Variants in DNAH9 observed in about 807,000 individuals in gnomAD.
DNAH9 encodes the protein dynein axonemal heavy chain 9, also known as DNAH9 variant protein.
Under a neutral mutation model 471.6 loss-of-function variants are expected in DNAH9, and 345 were observed. The observed-to-expected ratio is 0.73, with a 90% CI of 0.67 to 0.80. The LOEUF (loss-of-function observed/expected upper bound fraction) is 0.80. Ranked by LOEUF, DNAH9 falls within the 30% of genes least tolerant of loss-of-function variation. DNAH9 has a pLI of 0.00. For synonymous variants in DNAH9, 2,093 were observed against 2,123.6 expected (o/e 0.99, Z 0.40); for missense variants, 5,407 against 5,609.2 (o/e 0.96, Z 1.15).
chr17:11,609,632 G>A (rs1353556715), intron 2 of DNAH9, among the ~76,000 whole-genome samples: 1 of 152,120 alleles, frequency 6.6e-6, no homozygotes, highest in Non-Finnish European at 1.5e-5. Flanking sequence ...TTTCTTTGTC[G>A]TTGTGTCCTT....
At chr17:11,789,260 A>G (rs1216344597) in intron 41 of DNAH9, among the ~76,000 whole-genome samples, 1 of 152,058 alleles carries the variant, frequency 6.6e-6, no homozygotes, top group East Asian at 1.9e-4. Flanking sequence ...TCTCTAAAAG[A>G]TTTAGTAAAA....
At chr17:11,923,054 T>TC in intron 61 of DNAH9, among the ~76,000 whole-genome samples, 1 of 151,420 alleles carries the variant, frequency 6.6e-6, no homozygotes, top group South Asian at 2.1e-4. Flanking sequence ...AGTGCTTCTT[T>TC]TTTTTTTGTT....
At chr17:11,708,459 C>T (rs557406330) in intron 26 of DNAH9, among the ~76,000 whole-genome samples, 10 of 152,238 alleles carry the variant, frequency 6.6e-5, no homozygotes, top group Non-Finnish European at 1.0e-4. Context: ...GCAAATAGCA[C>T]CTCTGCAGAG....
chr17:11,769,045 ATGCTTCGGAACGCCGCTGG>A, intron 37 of DNAH9, 58 bp from the exon 38 acceptor site: 1 of 1,478,872 alleles, frequency 6.8e-7, no homozygotes, highest in Non-Finnish European at 9.4e-7. Flanking sequence ...CTGTTCTGAA[ATGCTTCGGAACGCCGCTGG>A]TGCATCTGTT....
intron 61 of DNAH9, among the ~76,000 whole-genome samples, chr17:11,908,143 G>A (rs1015138400): frequency 7.9e-5 from 12 of 152,162 alleles, no homozygotes; most frequent in Admixed American, 5.2e-4. Context: ...TCCCATCACC[G>A]GCCCTGCCAT....
chr17:11,915,143 C>G (rs940955480), intron 61 of DNAH9, among the ~76,000 whole-genome samples: 5 of 152,216 alleles, frequency 3.3e-5, no homozygotes, highest in Non-Finnish European at 7.3e-5. Flanking sequence ...CTCCACTCTT[C>G]TTCCTCTGCA....
chr17:11,875,138 A>G lies in DNAH9; in HGVS notation c.10432A>G (p.Asn3478Asp), dbSNP rs1972425689. ...GCTACAAGGCATCAAATGGATCAAG[A>G]ATAAATATGGTGAAGATCTCCGGGT... ...PQLQGIKWIK[N>D]KYGEDLRVTQ... Residue 3478 changes from asparagine to aspartate, a missense_variant, in exon 53 of 69, where the codon AAT becomes GAT. Around this residue, in one of 3 missense-constraint regions of DNAH9, gnomAD observed 4,636 missense variants for 4,900.3 expected, o/e 0.95. Transcript: ENST00000262442. 1.2e-6 allele frequency: 2 copies of G among 1,614,146 alleles called. No homozygotes were observed. Among genetic ancestry groups the G allele is most frequent in the Non-Finnish European group, 1.7e-6 (2 of 1,180,024 alleles).
chr17:11,754,050 T>G (rs1317226393), intron 33 of DNAH9, among the ~76,000 whole-genome samples: 1 of 152,066 alleles, frequency 6.6e-6, no homozygotes, highest in Non-Finnish European at 1.5e-5. Context: ...AGCTCCCACT[T>G]ACAAATGAGA....
intron 38 of DNAH9, among the ~76,000 whole-genome samples, chr17:11,773,728 C>T (rs1474413342): frequency 2.0e-5 from 3 of 152,138 alleles, no homozygotes; most frequent in Admixed American, 1.3e-4. Context: ...ATATTTCAAA[C>T]ATGTACAAAA....
At chr17:11,729,996 G>A (rs904497507) in intron 28 of DNAH9, among the ~76,000 whole-genome samples, 14 of 152,220 alleles carry the variant, frequency 9.2e-5, no homozygotes, top group Admixed American at 4.6e-4. Context: ...CTCCAAGGTG[G>A]CCTGTCTTTC....
intron 48 of DNAH9, among the ~76,000 whole-genome samples, chr17:11,826,009 A>G (rs570946996): frequency 6.6e-6 from 1 of 152,342 alleles, no homozygotes; most frequent in East Asian, 1.9e-4. Context: ...TAATGAAGCC[A>G]AGGACTGACA....
At chr17:11,742,107 T>G in intron 29 of DNAH9, 68 bp from the exon 30 acceptor site, 1 of 1,481,996 alleles carries the variant, frequency 6.7e-7, no homozygotes, top group Non-Finnish European at 9.3e-7. Flanking sequence ...AGTGCTTATT[T>G]TCTTGCAGTC....
intron 1 of DNAH9, among the ~76,000 whole-genome samples, chr17:11,605,837 C>T (rs1403166229): frequency 1.3e-5 from 2 of 152,064 alleles, no homozygotes; most frequent in African/African-American, 2.4e-5. Flanking sequence ...AGTTCACATT[C>T]GTTATTTTTC....
At chr17:11,655,777 A>G (rs1031329919) in intron 14 of DNAH9, among the ~76,000 whole-genome samples, 2 of 152,124 alleles carry the variant, frequency 1.3e-5, no homozygotes, top group Middle Eastern at 3.4e-3. Flanking sequence ...AAAACCAAAC[A>G]TTGTATGTTC....
intron 14 of DNAH9, among the ~76,000 whole-genome samples, chr17:11,654,741 T>G (rs981820782): frequency 6.6e-6 from 1 of 152,030 alleles, no homozygotes; most frequent in East Asian, 1.9e-4. Flanking sequence ...GGCACTGTCC[T>G]AAGCATTGTC....
chr17:11,910,174 G>A (rs1344191384), intron 61 of DNAH9, among the ~76,000 whole-genome samples: 3 of 151,962 alleles, frequency 2.0e-5, no homozygotes, highest in African/African-American at 7.3e-5. Context: ...AGAATGGCAT[G>A]AACCCGGGAG....
intron 32 of DNAH9, among the ~76,000 whole-genome samples, chr17:11,749,065 T>A (rs1239920824): frequency 4.4e-5 from 1 of 22,646 alleles, no homozygotes; most frequent in African/African-American, 9.0e-5. Context: ...TTTAAGAGGG[T>A]TTTTTTTTGT....
At chr17:11,716,902 C>A (rs1179731270) in intron 26 of DNAH9, among the ~76,000 whole-genome samples, 1 of 152,200 alleles carries the variant, frequency 6.6e-6, no homozygotes, top group African/African-American at 2.4e-5. Flanking sequence ...AGGCCCTGAG[C>A]AGTTGTAGAG....
intron 1 of DNAH9, 48 bp downstream of exon 1, chr17:11,598,963 G>T (rs2072325091): frequency 1.4e-6 from 2 of 1,396,796 alleles, no homozygotes; most frequent in South Asian, 1.4e-5. Context: ...GGTGGGGGAG[G>T]GGAGGAGGAG....
Sources: allele counts gnomAD v4.1 joint callset (sites outside exome capture counted in the v4.1 genomes callset), GRCh38; gene constraint gnomAD v4.1.1; regional missense constraint gnomAD v4.1.1; transcripts MANE v1.5; gene names NCBI Gene and HGNC (gene_info 2026-07-23, HGNC 2026-07-21).